SUPT3H: variants seen among roughly 807,000 people sequenced by gnomAD.
SUPT3H encodes transcription initiation protein SPT3 homolog.
SUPT3H carries 44 observed loss-of-function variants against 44.3 expected under a neutral mutation model. The observed-to-expected ratio is 0.99, with a 90% CI of 0.78 to 1.28. The LOEUF is 1.28. SUPT3H is among the 50% of genes most tolerant of loss of function. The pLI is 0.00. For missense variants in SUPT3H, 380 were observed against 387.1 expected (o/e 0.98, Z 0.15); for synonymous variants, 124 against 125.6 (o/e 0.99, Z 0.09).
chr6:44,814,878 T>C (rs1766802709), intron 11 of SUPT3H, among the ~76,000 whole-genome samples: 1 of 152,156 alleles, frequency 6.6e-6, no homozygotes, highest in South Asian at 2.1e-4. Flanking sequence ...GGTTTAGCCA[T>C]GTTGGCCAGG....
At chr6:44,958,783 GA>G (rs549424324) in intron 7 of SUPT3H, among the ~76,000 whole-genome samples, 12 of 136,766 alleles carry the variant, frequency 8.8e-5, no homozygotes, top group Non-Finnish European at 1.3e-4. Context: ...AGACATTTAA[GA>G]AAAAAAAATG....
chr6:44,915,719 T>G (rs943741087), intron 10 of SUPT3H, among the ~76,000 whole-genome samples: 112 of 152,196 alleles, frequency 7.4e-4, no homozygotes, highest in African/African-American at 2.5e-3. Flanking sequence ...TCATTTCTAT[T>G]GATAATAACT....
At chr6:45,231,975 T>A (rs1291577257) in intron 2 of SUPT3H, among the ~76,000 whole-genome samples, 1 of 152,188 alleles carries the variant, frequency 6.6e-6, no homozygotes, top group African/African-American at 2.4e-5. Flanking sequence ...AAATTTCTCA[T>A]AAATATCCTG....
At position 45,282,038 on chromosome 6, in the gene SUPT3H, G is replaced by A. The variant is rs551836654; in HGVS notation, c.101+83163C>T. ...CTGCAGCTGAGGGTCCTGACTGTTA[G>A]AAGGAAAACTAACAAACAGAAAGGA... On this transcript the variant is annotated intron_variant, in intron 2 of 10. Transcript: ENST00000371459. 5.3e-5 allele frequency among the ~76,000 whole-genome samples: 8 copies of A among 152,314 alleles called. No homozygotes were observed. In the South Asian group the frequency reaches 1.2e-3, roughly 24 times the overall value.
intron 3 of SUPT3H, among the ~76,000 whole-genome samples, chr6:45,066,392 A>G (rs1349608969): frequency 8.2e-6 from 1 of 122,154 alleles, no homozygotes. Context: ...TTCCCTTTGA[A>G]AAATGGCACA....
In SUPT3H at chr6:45,021,347, A is replaced by C. The variant is rs564649784; in HGVS notation, c.187-715T>G. ...GGAATTCATAAGTCCTAGAAACATAATCTTACTTAAAAATGACATGGAAAA... is the reference window on the plus strand; with the variant it reads ...GGAATTCATAAGTCCTAGAAACATACTCTTACTTAAAAATGACATGGAAAA... On this transcript the variant is annotated intron_variant, in intron 3 of 10. Coordinates refer to ENST00000371459, the MANE Select transcript of SUPT3H (RefSeq NM_003599.4). Among the ~76,000 whole-genome samples the C allele has an allele frequency of 3.6e-4, 54 of 152,080 alleles. 1 individual carries two copies. The South Asian group carries it at 3.7e-3, about 10-fold the overall frequency.
At chr6:44,956,402 T>C (rs1466808829) in intron 7 of SUPT3H, among the ~76,000 whole-genome samples, 1 of 142,526 alleles carries the variant, frequency 7.0e-6, no homozygotes, top group Non-Finnish European at 1.5e-5. Context: ...GAGAATTGAT[T>C]GAAACCGGAA....
At chr6:45,120,417 T>TAAAAAAAAAAAAAAAAAAAAAAAAAAA (rs71687494) in intron 2 of SUPT3H, among the ~76,000 whole-genome samples, 7 of 50,508 alleles carry the variant, frequency 1.4e-4, no homozygotes, top group East Asian at 4.7e-4. Flanking sequence ...AGACCTTGTC[T>TAAAAAAAAAAAAAAAAAAAAAAAAAAA]AAAAAAAAAA....
At chr6:44,937,789 G>T (rs367544530) in intron 9 of SUPT3H, among the ~76,000 whole-genome samples, 16 of 149,730 alleles carry the variant, frequency 1.1e-4, no homozygotes, top group South Asian at 4.2e-4. Context: ...GTGTTTTTTT[G>T]TTGTTGTTGT....
intron 3 of SUPT3H, among the ~76,000 whole-genome samples, chr6:45,037,153 C>T (rs2049472008): frequency 1.3e-5 from 2 of 151,958 alleles, no homozygotes; most frequent in Non-Finnish European, 2.9e-5. Flanking sequence ...TAGTACCATA[C>T]ACAATTCAGC....
At chr6:45,267,406 T>C (rs1248355105) in intron 2 of SUPT3H, among the ~76,000 whole-genome samples, 2 of 152,248 alleles carry the variant, frequency 1.3e-5, no homozygotes, top group Non-Finnish European at 2.9e-5. Flanking sequence ...TATGCACACA[T>C]TTCTGCACAT....
intron 2 of SUPT3H, among the ~76,000 whole-genome samples, chr6:45,344,464 G>A (rs1790444355): frequency 6.6e-6 from 1 of 151,536 alleles, no homozygotes; most frequent in South Asian, 2.1e-4. Context: ...GTCCAAATGA[G>A]CAGTGCCTTA....
chr6:45,060,748 C>A (rs909695167), intron 3 of SUPT3H, among the ~76,000 whole-genome samples: 2 of 151,844 alleles, frequency 1.3e-5, no homozygotes, highest in Non-Finnish European at 2.9e-5. Context: ...AACAAATTTA[C>A]AAGAAAAAAA....
chr6:45,105,901 T>C (rs760752927), intron 3 of SUPT3H, 21 bp downstream of exon 3: 14 of 1,587,024 alleles, frequency 8.8e-6, no homozygotes, highest in Non-Finnish European at 1.2e-5. Context: ...AGAAACCAAA[T>C]CAAATTATAT....
At chr6:45,292,672 G>C (rs566470252) in intron 2 of SUPT3H, among the ~76,000 whole-genome samples, 6 of 150,022 alleles carry the variant, frequency 4.0e-5, no homozygotes, top group African/African-American at 1.5e-4. Context: ...CCAAAAGCAA[G>C]CAGGAGTAGC....
intron 2 of SUPT3H, among the ~76,000 whole-genome samples, chr6:45,356,108 G>T (rs1470008624): frequency 1.3e-5 from 2 of 152,134 alleles, no homozygotes; most frequent in African/African-American, 4.8e-5. Flanking sequence ...CTCTAGAAAA[G>T]TGGTTGTGTA....
At chr6:44,900,653 C>G (rs1024116460) in intron 10 of SUPT3H, among the ~76,000 whole-genome samples, 1 of 152,198 alleles carries the variant, frequency 6.6e-6, no homozygotes, top group Non-Finnish European at 1.5e-5. Flanking sequence ...ATGCCCCTGT[C>G]TGACAGCTTT....
At chr6:45,277,229 T>C (rs1371454897) in intron 2 of SUPT3H, among the ~76,000 whole-genome samples, 1 of 152,214 alleles carries the variant, frequency 6.6e-6, no homozygotes, top group Non-Finnish European at 1.5e-5. Context: ...AATACTTTTC[T>C]CTATTAGAAG....
chr6:45,215,012 C>A (rs1330127986), intron 2 of SUPT3H, among the ~76,000 whole-genome samples: 1 of 152,138 alleles, frequency 6.6e-6, no homozygotes, highest in Non-Finnish European at 1.5e-5. Flanking sequence ...CCCAGGAAAG[C>A]TGCACGACAG....
Sources: allele counts gnomAD v4.1 joint callset (sites outside exome capture counted in the v4.1 genomes callset), GRCh38; gene constraint gnomAD v4.1.1; transcripts MANE v1.5; gene names NCBI Gene and HGNC (gene_info 2026-07-23, HGNC 2026-07-21).